The following AUH variants were observed in gnomAD, a reference collection of about 807,000 sequenced individuals.
AUH encodes the protein AU RNA binding methylglutaconyl-CoA hydratase, also known as methylglutaconyl-CoA hydratase, mitochondrial.
AUH carries 29 observed loss-of-function variants against 42.3 expected under a neutral mutation model. The ratio of observed to expected loss-of-function variants is 0.69; its 90% CI spans 0.51 to 0.93. The LOEUF (loss-of-function observed/expected upper bound fraction) is 0.93, where lower values mean the gene tolerates loss of function less well. Ranked by LOEUF, AUH falls within the 40% of genes least tolerant of loss-of-function variation. AUH has a pLI of 0.00. For synonymous variants in AUH, 174 were observed against 166.4 expected (o/e 1.05, Z -0.35); for missense variants, 452 against 438.1 (o/e 1.03, Z -0.28).
At chr9:91,339,621 G>A (rs1456292963) in intron 3 of AUH, among the ~76,000 whole-genome samples, 1 of 152,178 alleles carries the variant, frequency 6.6e-6, no homozygotes, top group African/African-American at 2.4e-5. Flanking sequence ...GGTCTGTCTT[G>A]AGAAGCAAAG....
intron 6 of AUH, among the ~76,000 whole-genome samples, chr9:91,292,149 ATTT>A (rs1433946446): frequency 6.6e-6 from 1 of 151,752 alleles, no homozygotes; most frequent in Non-Finnish European, 1.5e-5. Context: ...AAGCTCATCT[ATTT>A]TTTTCATAGG....
chr9:91,337,895 C>A (rs551270254), intron 3 of AUH, among the ~76,000 whole-genome samples: 8 of 152,304 alleles, frequency 5.3e-5, no homozygotes, highest in African/African-American at 1.4e-4. Context: ...TGGAGAGGAT[C>A]AAGTGAGATT....
intron 3 of AUH, among the ~76,000 whole-genome samples, chr9:91,326,844 T>C (rs1348321447): frequency 6.6e-6 from 1 of 152,220 alleles, no homozygotes. Context: ...AATTAATATG[T>C]AACAAAGAAA....
intron 3 of AUH, among the ~76,000 whole-genome samples, chr9:91,328,081 T>A (rs1028155344): frequency 5.9e-5 from 9 of 152,168 alleles, no homozygotes; most frequent in African/African-American, 2.2e-4. Context: ...AGCAAAGATT[T>A]CTGGCTGGCA....
chr9:91,308,733 C>T lies in AUH; in HGVS notation c.506-10657G>A, dbSNP rs540602047. ...AACATAAATAAACAATTCAGGTCAA[C>T]TTGGTGGATTGACAAAAAAATTCTG... On this transcript the variant is annotated intron_variant, in intron 4 of 9. Transcript: ENST00000375731. 9.8e-4 allele frequency among the ~76,000 whole-genome samples: 148 copies of T among 151,640 alleles called. 1 individual carries two copies. Among genetic ancestry groups the T allele is most frequent in the African/African-American group, 3.4e-3 (140 of 41,340 alleles).
chr9:91,331,098 C>T (rs766654931), intron 3 of AUH, among the ~76,000 whole-genome samples: 2 of 152,044 alleles, frequency 1.3e-5, no homozygotes, highest in East Asian at 1.9e-4. Context: ...CTCCTTTTTA[C>T]GCCAAACTCT....
chr9:91,285,252 C>G (rs1230965232), intron 6 of AUH, among the ~76,000 whole-genome samples: 1 of 150,162 alleles, frequency 6.7e-6, no homozygotes, highest in African/African-American at 2.5e-5. Flanking sequence ...TAGGTGGGAA[C>G]TGAACAATGA....
chr9:91,298,012 C>A lies in AUH; in HGVS notation c.570G>T (p.Leu190=). ...CTACTCGTATATCACAGGCTAAAGC[C>A]AGTTCAAGACCACCACCTAAAGCGA... The part of the protein sequence containing the change: ...DGLALGGGLE[L]ALACDIRVAA... The change falls in exon 5 of 10, where the codon CTG becomes CTT. Residue 190 remains leucine (L), a synonymous_variant. Transcript: ENST00000375731. 1 of 1,613,446 alleles carries A rather than the reference C, an allele frequency of 6.2e-7. No individual in the cohort carries two copies.
chr9:91,272,269 C>T (rs1331520452), intron 6 of AUH, among the ~76,000 whole-genome samples: 1 of 152,178 alleles, frequency 6.6e-6, no homozygotes, highest in African/African-American at 2.4e-5. Flanking sequence ...TCCAAATGTA[C>T]TTTTAAACTT....
intron 6 of AUH, among the ~76,000 whole-genome samples, chr9:91,292,568 C>T (rs1020122625): frequency 6.6e-6 from 1 of 151,798 alleles, no homozygotes; most frequent in Non-Finnish European, 1.5e-5. Context: ...CATAAGACAC[C>T]GCACCCAGGC....
At chr9:91,313,751 G>C (rs1457957611) in intron 4 of AUH, among the ~76,000 whole-genome samples, 1 of 148,108 alleles carries the variant, frequency 6.8e-6, no homozygotes, top group African/African-American at 2.5e-5. Context: ...CAAACTTTAT[G>C]AGAAGAACTA....
intron 6 of AUH, among the ~76,000 whole-genome samples, chr9:91,285,426 T>C (rs1272411203): frequency 6.6e-6 from 1 of 151,976 alleles, no homozygotes; most frequent in Non-Finnish European, 1.5e-5. Context: ...AATCTGCACA[T>C]TGTGCACATG....
chr9:91,302,768 C>CAA (rs922192755), intron 4 of AUH, among the ~76,000 whole-genome samples: 1 of 150,122 alleles, frequency 6.7e-6, no homozygotes, highest in Admixed American at 6.6e-5. Context: ...GACTCTGTCT[C>CAA]AAAAAAAAGG....
intron 4 of AUH, among the ~76,000 whole-genome samples, chr9:91,318,605 A>T (rs1829336357): frequency 6.6e-6 from 1 of 152,200 alleles, no homozygotes; most frequent in Admixed American, 6.5e-5. Flanking sequence ...CCCGAGCAGG[A>T]TATTACTTCA....
chr9:91,281,630 G>T (rs1825971103), intron 6 of AUH, among the ~76,000 whole-genome samples: 1 of 152,140 alleles, frequency 6.6e-6, no homozygotes, highest in Non-Finnish European at 1.5e-5. Flanking sequence ...TTTTTGAATA[G>T]CTTTCCACAT....
chr9:91,331,840 TGTCTA>T (rs1830349313), intron 3 of AUH, among the ~76,000 whole-genome samples: 1 of 152,216 alleles, frequency 6.6e-6, no homozygotes, highest in Non-Finnish European at 1.5e-5. Flanking sequence ...CACTGCATGA[TGTCTA>T]GCTTCCTTGG....
intron 4 of AUH, among the ~76,000 whole-genome samples, chr9:91,312,604 T>C (rs1057071572): frequency 1.3e-5 from 2 of 152,224 alleles, no homozygotes; most frequent in Non-Finnish European, 2.9e-5. Flanking sequence ...CTCACGCTTG[T>C]AGTTCTAACT....
intron 6 of AUH, among the ~76,000 whole-genome samples, chr9:91,265,881 A>G (rs1370969852): frequency 2.0e-5 from 3 of 152,110 alleles, no homozygotes; most frequent in Non-Finnish European, 2.9e-5. Context: ...AAAGAGTTAT[A>G]TATCTCATTT....
intron 6 of AUH, among the ~76,000 whole-genome samples, chr9:91,280,711 A>C (rs957439631): frequency 6.6e-6 from 1 of 152,192 alleles, no homozygotes; most frequent in African/African-American, 2.4e-5. Context: ...TACGCATTCA[A>C]ATATACACAC....
Sources: allele counts gnomAD v4.1 joint callset (sites outside exome capture counted in the v4.1 genomes callset), GRCh38; gene constraint gnomAD v4.1.1; transcripts MANE v1.5; gene names NCBI Gene and HGNC (gene_info 2026-07-23, HGNC 2026-07-21).